AP3B1: variants seen among roughly 807,000 people sequenced by gnomAD.
AP3B1 encodes adaptor related protein complex 3 subunit beta 1, also known as AP-3 complex subunit beta-1.
A neutral mutation model predicts 132.5 loss-of-function variants in AP3B1; 61 were observed. That is an observed-to-expected ratio of 0.46 (90% confidence interval 0.37 to 0.57). The LOEUF (loss-of-function observed/expected upper bound fraction) is 0.57, where lower values mean the gene tolerates loss of function less well. AP3B1 is among the 20% of genes least tolerant of loss of function. AP3B1 has a pLI of 0.00. For missense variants in AP3B1, 1,120 were observed against 1,289.4 expected, an observed-to-expected ratio of 0.87 and a Z score of 2.01; for synonymous variants, 388 against 438.3, an observed-to-expected ratio of 0.89 and a Z score of 1.43.
At chr5:78,145,355 T>C (rs1753344692) in intron 14 of AP3B1, among the ~76,000 whole-genome samples, 1 of 152,230 alleles carries the variant, frequency 6.6e-6, no homozygotes, top group Non-Finnish European at 1.5e-5. Flanking sequence ...CTATGAAGTA[T>C]GCTCTACTAT....
rs938669128 is a variant in AP3B1, at chr5:78,182,111, C to A, written c.787-449G>T. 3.9e-5 allele frequency among the ~76,000 whole-genome samples: 6 copies of A among 152,060 alleles called. No homozygotes were observed. The South Asian group carries it at 8.3e-4, about 21-fold the overall frequency. On this transcript the variant is annotated intron_variant, in intron 7 of 26. Transcript: ENST00000255194. ...AAAGAAATCACAGTAAAGTGTGACA[C>A]GAAAAAACTAGTGTTGTTAAGTAGG... is the stretch of plus-strand genomic sequence containing the variant.
chr5:78,083,282 G>C (rs1750095186), intron 22 of AP3B1, among the ~76,000 whole-genome samples: 1 of 152,182 alleles, frequency 6.6e-6, no homozygotes. Context: ...ACCAGTTAAA[G>C]CAGAACATAC....
intron 23 of AP3B1, among the ~76,000 whole-genome samples, chr5:78,037,980 T>C (rs1198636639): frequency 6.6e-6 from 1 of 152,210 alleles, no homozygotes; most frequent in Non-Finnish European, 1.5e-5. Flanking sequence ...AAAGGGTATA[T>C]TTTTAGCAAA....
chr5:78,085,384 T>A (rs77317440), intron 22 of AP3B1, among the ~76,000 whole-genome samples: 5,315 of 152,280 alleles, frequency 0.035, 311 homozygotes, highest in African/African-American at 0.12. Context: ...TGTCCACTTT[T>A]AAAAATATTT....
chr5:78,033,404 C>T (rs1343429254), intron 24 of AP3B1, among the ~76,000 whole-genome samples: 2 of 151,890 alleles, frequency 1.3e-5, no homozygotes, highest in Non-Finnish European at 2.9e-5. Context: ...TGCAGGTTCT[C>T]GGCAATAAAA....
intron 3 of AP3B1, among the ~76,000 whole-genome samples, chr5:78,237,637 G>A (rs931140616): frequency 6.6e-6 from 1 of 151,972 alleles, no homozygotes; most frequent in Admixed American, 6.6e-5. Flanking sequence ...ACAAAACCCC[G>A]GCTCTACTAA....
At chr5:78,057,512 A>G (rs1748865236) in intron 22 of AP3B1, among the ~76,000 whole-genome samples, 1 of 152,144 alleles carries the variant, frequency 6.6e-6, no homozygotes, top group Non-Finnish European at 1.5e-5. Flanking sequence ...GTGTCCCTTC[A>G]TTTTAAGAAC....
intron 20 of AP3B1, among the ~76,000 whole-genome samples, chr5:78,102,891 C>T (rs1440236780): frequency 6.6e-6 from 1 of 152,132 alleles, no homozygotes; most frequent in East Asian, 1.9e-4. Flanking sequence ...TATCAGGTCA[C>T]ATATAACACA....
At chr5:78,244,054 G>A (rs1747264027) in intron 2 of AP3B1, among the ~76,000 whole-genome samples, 1 of 152,266 alleles carries the variant, frequency 6.6e-6, no homozygotes, top group Non-Finnish European at 1.5e-5. Context: ...AGTGAGAATG[G>A]GCTAGATTTG....
At chr5:78,045,975 C>T (rs879391938) in intron 22 of AP3B1, among the ~76,000 whole-genome samples, 2 of 152,152 alleles carry the variant, frequency 1.3e-5, no homozygotes, top group Non-Finnish European at 2.9e-5. Context: ...TCCTTGACTG[C>T]TTTTTTACTC....
intron 1 of AP3B1, among the ~76,000 whole-genome samples, chr5:78,281,251 ATG>A (rs1749039038): frequency 6.6e-6 from 1 of 152,082 alleles, no homozygotes; most frequent in Non-Finnish European, 1.5e-5. Flanking sequence ...CCTGACCAAC[ATG>A]GCAAAACCCT....
chr5:78,273,269 G>C (rs889654058), intron 1 of AP3B1, among the ~76,000 whole-genome samples: 2 of 152,120 alleles, frequency 1.3e-5, no homozygotes, highest in African/African-American at 2.4e-5. Context: ...GCCAGGTGTG[G>C]TGACATGCGC....
chr5:78,098,327 A>G (rs1750985708), intron 21 of AP3B1, among the ~76,000 whole-genome samples: 2 of 151,772 alleles, frequency 1.3e-5, no homozygotes, highest in Admixed American at 6.5e-5. Context: ...CTTGTATCTC[A>G]ACATATAAAA....
At position 78,182,930 on chromosome 5, in the gene AP3B1, G is replaced by A. The variant is rs116419573; in HGVS notation, c.787-1268C>T. ...TCAGTGAAGACCAAGTGAGGAGCTT[G>A]GACTTCTAAGCCCATCCATTAGTGT... On this transcript the variant is annotated intron_variant, in intron 7 of 26. Transcript: ENST00000255194. Among the ~76,000 whole-genome samples, 471 of 152,314 alleles carry A rather than the reference G, an allele frequency of 3.1e-3. 1 individual carries two copies. The highest frequency in any genetic ancestry group is 0.011 in the African/African-American group (442 of 41,568).
Position 78,175,844 on chromosome 5 carries a change from A to G in AP3B1, c.1041-6T>C. On this transcript the variant is annotated splice_region_variant and splice_polypyrimidine_tract_variant and intron_variant, in intron 9 of 26. Coordinates refer to ENST00000255194, the MANE Select transcript of AP3B1 (RefSeq NM_003664.5). Reference sequence around the variant, plus strand: ...GGACAATATACTGCACCTCCCTAGAAATCAAAAGATAATTTTTACTGGGTA... The same window carrying G: ...GGACAATATACTGCACCTCCCTAGAGATCAAAAGATAATTTTTACTGGGTA... The G allele has an allele frequency of 6.2e-7, 1 of 1,606,000 alleles. No individual in the cohort carries two copies. The highest frequency in any genetic ancestry group is 2.1e-4 in the Middle Eastern group (1 of 4,660).
intron 22 of AP3B1, among the ~76,000 whole-genome samples, chr5:78,064,540 A>G (rs1024779491): frequency 3.3e-5 from 5 of 152,202 alleles, no homozygotes; most frequent in Non-Finnish European, 7.3e-5. Flanking sequence ...GGGTCAATGA[A>G]TATGTCCCAT....
intron 3 of AP3B1, among the ~76,000 whole-genome samples, chr5:78,233,966 T>A (rs2112506367): frequency 6.6e-6 from 1 of 152,102 alleles, no homozygotes; most frequent in Non-Finnish European, 1.5e-5. Flanking sequence ...AGGAAAAAAA[T>A]TATATTTTAT....
At chr5:78,041,142 C>T (rs1189616429) in intron 22 of AP3B1, among the ~76,000 whole-genome samples, 8 of 151,894 alleles carry the variant, frequency 5.3e-5, no homozygotes, top group African/African-American at 1.5e-4. Flanking sequence ...GGTATGGTGG[C>T]GCATGCCTGT....
chr5:78,168,585 T>C (rs1050249394), intron 11 of AP3B1, among the ~76,000 whole-genome samples: 2 of 152,182 alleles, frequency 1.3e-5, no homozygotes, highest in African/African-American at 4.8e-5. Flanking sequence ...TACAAAGAAC[T>C]GTTGCTGTTG....
Sources: allele counts gnomAD v4.1 joint callset (sites outside exome capture counted in the v4.1 genomes callset), GRCh38; gene constraint gnomAD v4.1.1; transcripts MANE v1.5; gene names NCBI Gene and HGNC (gene_info 2026-07-23, HGNC 2026-07-21).